FANCM: variants seen among roughly 807,000 people sequenced by gnomAD.
FANCM encodes Fanconi anemia group M protein.
Under a neutral mutation model 199.5 loss-of-function variants are expected in FANCM, and 140 were observed. The observed-to-expected ratio is 0.70, with a 90% CI of 0.61 to 0.81. FANCM has a LOEUF of 0.81. Ranked by LOEUF, FANCM falls within the 30% of genes least tolerant of loss-of-function variation. FANCM has a pLI of 0.00. For synonymous variants in FANCM, 840 were observed against 836.8 expected, an observed-to-expected ratio of 1.00 and a Z score of -0.07; for missense variants, 2,410 against 2,421.4, an observed-to-expected ratio of 1.00 and a Z score of 0.10.
At chr14:45,140,070 G>A (rs545638897) in intron 2 of FANCM, among the ~76,000 whole-genome samples, 12 of 151,930 alleles carry the variant, frequency 7.9e-5, no homozygotes, top group Middle Eastern at 3.2e-3. Flanking sequence ...ATATAATTTC[G>A]TATTGCTATT....
At chr14:45,189,606 A>C (rs1003312763) in intron 20 of FANCM, among the ~76,000 whole-genome samples, 1 of 152,186 alleles carries the variant, frequency 6.6e-6, no homozygotes, top group African/African-American at 2.4e-5. Context: ...AAACTTGATA[A>C]TTTTATTAAA....
chr14:45,183,695 CTGAGTTG>C, intron 16 of FANCM, 72 bp from the exon 17 acceptor site: 3 of 933,614 alleles, frequency 3.2e-6, no homozygotes, highest in Non-Finnish European at 5.1e-6. Context: ...TAACATGGCT[CTGAGTTG>C]TAAGAGCAAT....
At chr14:45,192,487 C>G (rs1889823178) in intron 20 of FANCM, among the ~76,000 whole-genome samples, 1 of 152,096 alleles carries the variant, frequency 6.6e-6, no homozygotes, top group African/African-American at 2.4e-5. Flanking sequence ...ACTAAAAATA[C>G]AAAAAATTAG....
chr14:45,173,336 G>A, intron 13 of FANCM, 126 bp downstream of exon 13: 1 of 830,242 alleles, frequency 1.2e-6, no homozygotes, highest in Non-Finnish European at 2.0e-6. Context: ...TGTGATCTCA[G>A]TAAAGAATGA....
chr14:45,169,383 GTT>G (rs202096596), intron 11 of FANCM, among the ~76,000 whole-genome samples: 1 of 137,602 alleles, frequency 7.3e-6, no homozygotes, highest in Admixed American at 7.2e-5. Context: ...TTATTTATTT[GTT>G]TTTTTTTTTT....
chr14:45,165,373 C>G lies in FANCM; in HGVS notation c.1788+808C>G, dbSNP rs140738286. 5.7e-4 allele frequency among the ~76,000 whole-genome samples: 86 copies of G among 152,186 alleles called. No homozygotes were observed. The East Asian group carries it at 0.014, about 25-fold the overall frequency. ...CCAGCCTGGCCAACATGGTGAAACC[C>G]CGTCTCTACTAAAAGAATACAAAAA... On this transcript the variant is annotated intron_variant, in intron 10 of 22. Transcript: ENST00000267430.
At chr14:45,142,541 C>G (rs962678165) in intron 3 of FANCM, among the ~76,000 whole-genome samples, 2 of 151,832 alleles carry the variant, frequency 1.3e-5, no homozygotes, top group Non-Finnish European at 2.9e-5. Flanking sequence ...CTCCTGACCT[C>G]GTGATCCACC....
chr14:45,153,708 A>G lies in FANCM; in HGVS notation c.1051-212A>G, dbSNP rs147999262. Among the ~76,000 whole-genome samples, 31 of 152,318 alleles carry G rather than the reference A, an allele frequency of 2.0e-4. No homozygotes were observed. The East Asian group carries it at 6.0e-3, about 29-fold the overall frequency. On this transcript the variant is annotated intron_variant, in intron 5 of 22. Transcript: ENST00000267430. ...AAAAAGAAATAAAGGGGCAGATTTT[A>G]CATACAAAATACATTGGTACCTTTC...
At position 45,188,927 on chromosome 14, in the gene FANCM, T is replaced by C. The variant is rs886038662; in HGVS notation, c.4905T>C (p.Phe1635=). 1 of 1,613,850 alleles carries C rather than the reference T, an allele frequency of 6.2e-7. No homozygotes were observed. Among genetic ancestry groups the C allele is most frequent in the Non-Finnish European group, 8.5e-7 (1 of 1,179,946 alleles). ...VDFNLITDDC[F]ANSKKYKTRR... ...TTAACTTAATAACTGATGATTGCTT[T>C]GCAAATAGTAAAAAGTATAAAACTC... Residue 1635 remains phenylalanine (F), a synonymous_variant, in exon 20 of 23, where the codon TTT becomes TTC. Transcript: ENST00000267430.
chr14:45,136,049 A>T lies in FANCM; in HGVS notation c.18A>T (p.Arg6Ser). Residue 6 changes from arginine (R) to serine (S), a missense_variant, in exon 1 of 23, where the codon AGA becomes AGT. Coordinates refer to ENST00000267430, the MANE Select transcript of FANCM (RefSeq NM_020937.4). ...TCGGCCTAATGAGCGGACGGCAAAG[A>T]ACGCTTTTTCAGACGTGGGGCTCAA... The part of the protein sequence containing the change: MSGRQ[R>S]TLFQTWGSSI... The T allele has an allele frequency of 6.2e-7, 1 of 1,613,656 alleles. No individual in the cohort carries two copies. Among genetic ancestry groups the T allele is most frequent in the Non-Finnish European group, 8.5e-7 (1 of 1,180,012 alleles).
chr14:45,156,967 A>G (rs897422069), intron 8 of FANCM, among the ~76,000 whole-genome samples: 26 of 151,614 alleles, frequency 1.7e-4, no homozygotes, highest in African/African-American at 4.8e-4. Flanking sequence ...GGCTGGGTAT[A>G]TACATTTATG....
Position 45,137,235 on chromosome 14 carries a change from T to C in FANCM, c.675T>C (p.Tyr225=). The change falls in exon 2 of 23, where the codon TAT becomes TAC. Residue 225 remains tyrosine, a synonymous_variant. Transcript: ENST00000267430. ...ATAAAGCTCTCGGAAACTATGCTTA[T>C]TGCCAGGTAATAATTTTGTTAAACG... The part of the protein sequence containing the change: ...EAHKALGNYA[Y]CQVVRELVKY... 1 of 1,611,762 alleles carries C rather than the reference T, an allele frequency of 6.2e-7. No individual in the cohort carries two copies.
At chr14:45,153,299 A>G (rs1886950404) in intron 5 of FANCM, among the ~76,000 whole-genome samples, 3 of 152,254 alleles carry the variant, frequency 2.0e-5, no homozygotes, top group African/African-American at 7.2e-5. Context: ...TTCCTCATCT[A>G]TAAAATGAGC....
At chr14:45,177,072 GGT>G in intron 14 of FANCM, 96 bp downstream of exon 14, 1 of 740,398 alleles carries the variant, frequency 1.4e-6, no homozygotes, top group South Asian at 1.6e-5. Flanking sequence ...TTTAGTACAT[GGT>G]ACAATATAAA....
intron 18 of FANCM, among the ~76,000 whole-genome samples, chr14:45,186,785 G>C (rs1889429136): frequency 6.6e-6 from 1 of 152,160 alleles, no homozygotes; most frequent in Admixed American, 6.5e-5. Flanking sequence ...ATAGTGTTGT[G>C]ACTGGAATGA....
At chr14:45,157,231 A>G (rs918964035) in intron 8 of FANCM, among the ~76,000 whole-genome samples, 5 of 152,186 alleles carry the variant, frequency 3.3e-5, no homozygotes, top group Admixed American at 2.6e-4. Context: ...AGATAACCAA[A>G]TCTGGATCTC....
chr14:45,174,983 T>A (rs1301097540), intron 13 of FANCM, 88 bp from the exon 14 acceptor site: 2 of 717,300 alleles, frequency 2.8e-6, no homozygotes. Context: ...ATATAAATAT[T>A]TTAATATAGA....
At chr14:45,156,946 A>G in intron 8 of FANCM, among the ~76,000 whole-genome samples, 1 of 151,632 alleles carries the variant, frequency 6.6e-6, no homozygotes, top group African/African-American at 2.4e-5. Flanking sequence ...AAAGGAAAAA[A>G]GGAATCATAT....
intron 10 of FANCM, among the ~76,000 whole-genome samples, chr14:45,164,857 C>T (rs963006913): frequency 6.6e-6 from 1 of 152,168 alleles, no homozygotes; most frequent in African/African-American, 2.4e-5. Context: ...TTTTCCTGTG[C>T]TTCTAAAGAA....
Sources: allele counts gnomAD v4.1 joint callset (sites outside exome capture counted in the v4.1 genomes callset), GRCh38; gene constraint gnomAD v4.1.1; transcripts MANE v1.5; gene names NCBI Gene and HGNC (gene_info 2026-07-23, HGNC 2026-07-21).